Variants in PIGK observed in about 807,000 individuals in gnomAD.
The protein encoded by PIGK is phosphatidylinositol glycan anchor biosynthesis class K, also known as GPI-anchor transamidase.
Under a neutral mutation model 50.6 loss-of-function variants are expected in PIGK, and 42 were observed. That is an observed-to-expected ratio of 0.83 (90% CI 0.65 to 1.07). The LOEUF is 1.07. Ranked by LOEUF, PIGK falls within the 50% of genes least tolerant of loss-of-function variation. PIGK has a pLI of 0.00. For synonymous variants in PIGK, 151 were observed against 156.0 expected, an observed-to-expected ratio of 0.97 and a Z score of 0.24; for missense variants, 448 against 488.7, an observed-to-expected ratio of 0.92 and a Z score of 0.78.
At chr1:77,195,928 A>G (rs1462702832) in intron 3 of PIGK, among the ~76,000 whole-genome samples, 2 of 152,126 alleles carry the variant, frequency 1.3e-5, no homozygotes, top group Non-Finnish European at 2.9e-5. Context: ...TAATCCTGCT[A>G]CCCAGGTACT....
In PIGK at chr1:77,171,394, G is replaced by C. The variant is rs60037927; in HGVS notation, c.240-1999C>G. ...GGAGCTCGCAGTGAGCCGACATCGC[G>C]TCACTGCACTCCAGCCTGGGCAACA... On this transcript the variant is annotated intron_variant, in intron 3 of 10. Transcript: ENST00000370812. Among the ~76,000 whole-genome samples the C allele has an allele frequency of 2.4e-5, 3 of 123,230 alleles. No individual in the cohort carries two copies. The South Asian group carries it at 8.1e-4, about 33-fold the overall frequency. 80.8% of individuals were successfully genotyped at this position (123,230 alleles called of 152,430 possible).
intron 3 of PIGK, among the ~76,000 whole-genome samples, chr1:77,189,835 A>G (rs1279285884): frequency 6.6e-6 from 1 of 150,632 alleles, no homozygotes; most frequent in Non-Finnish European, 1.5e-5. Flanking sequence ...CCCTCTAGAG[A>G]ACCCTAATAC....
intron 10 of PIGK, among the ~76,000 whole-genome samples, chr1:77,107,278 G>A (rs989098929): frequency 3.1e-4 from 47 of 151,934 alleles, no homozygotes; most frequent in African/African-American, 8.0e-4. Context: ...CAGAGATTCT[G>A]GTATGTTGTG....
chr1:77,106,895 T>C (rs894934746), intron 10 of PIGK, among the ~76,000 whole-genome samples: 3 of 152,216 alleles, frequency 2.0e-5, no homozygotes, highest in East Asian at 1.9e-4. Context: ...TATAGTATTC[T>C]CTGATGGTAG....
intron 9 of PIGK, among the ~76,000 whole-genome samples, chr1:77,125,925 G>A (rs571773986): frequency 1.8e-4 from 27 of 151,728 alleles, no homozygotes; most frequent in African/African-American, 4.4e-4. Context: ...CATTCTTTAC[G>A]TCTTTTATTG....
intron 10 of PIGK, among the ~76,000 whole-genome samples, chr1:77,097,221 TCTC>T (rs1653436771): frequency 6.6e-6 from 1 of 152,088 alleles, no homozygotes; most frequent in South Asian, 2.1e-4. Context: ...GCAGTGCTGC[TCTC>T]CTCTAGCTCT....
intron 8 of PIGK, 115 bp from the exon 9 acceptor site, chr1:77,154,736 A>G (rs1037005918): frequency 1.6e-5 from 11 of 697,624 alleles, no homozygotes; most frequent in Non-Finnish European, 2.6e-5. Context: ...CAACCTAAAG[A>G]AGCTATGTGT....
At chr1:77,139,417 A>T (rs1654594332) in intron 9 of PIGK, among the ~76,000 whole-genome samples, 1 of 152,074 alleles carries the variant, frequency 6.6e-6, no homozygotes, top group African/African-American at 2.4e-5. Flanking sequence ...CATGGGTTGG[A>T]TCAAGGAGGA....
intron 10 of PIGK, among the ~76,000 whole-genome samples, chr1:77,112,245 T>TTTTTTTTTTTTTGAGA (rs1553180256): frequency 1.3e-5 from 2 of 151,666 alleles, no homozygotes; most frequent in Non-Finnish European, 2.9e-5. Flanking sequence ...TTAACTCTTA[T>TTTTTTTTTTTTTGAGA]CAGGAAGCAC....
chr1:77,132,130 A>G (rs1005867260), intron 9 of PIGK, among the ~76,000 whole-genome samples: 1 of 151,934 alleles, frequency 6.6e-6, no homozygotes, highest in Non-Finnish European at 1.5e-5. Context: ...CTCCAAAGTG[A>G]TTTTTATATC....
intron 3 of PIGK, among the ~76,000 whole-genome samples, chr1:77,173,485 G>A (rs919817543): frequency 6.6e-6 from 1 of 152,030 alleles, no homozygotes; most frequent in African/African-American, 2.4e-5. Flanking sequence ...TGGTAAGCAG[G>A]GTCACTGAGG....
chr1:77,174,498 G>A (rs754314286), intron 3 of PIGK, among the ~76,000 whole-genome samples: 9 of 152,114 alleles, frequency 5.9e-5, no homozygotes, highest in Admixed American at 1.3e-4. Context: ...GGGGAGTATC[G>A]GAAATGACTT....
chr1:77,161,722 A>G lies in PIGK; in HGVS notation c.585-11T>C. 2 of 1,031,360 alleles carry G rather than the reference A, an allele frequency of 1.9e-6. No homozygotes were observed. Among genetic ancestry groups the G allele is most frequent in the Non-Finnish European group, 3.1e-6 (2 of 650,052 alleles). 63.9% of individuals were successfully genotyped at this position (1,031,360 alleles called of 1,614,324 possible). On this transcript the variant is annotated splice_polypyrimidine_tract_variant and intron_variant, in intron 6 of 10. Transcript: ENST00000370812. ...AGTAGCTCATTGTAGCTGAAAGAAA[A>G]ATGATAACATCTTTGACAAGGATCA...
chr1:77,199,709 G>C (rs1232616598), intron 3 of PIGK, among the ~76,000 whole-genome samples: 1 of 151,782 alleles, frequency 6.6e-6, no homozygotes, highest in South Asian at 2.1e-4. Context: ...GGAAACAAAG[G>C]AACAAAAGAT....
At chr1:77,104,723 A>G (rs915351754) in intron 10 of PIGK, among the ~76,000 whole-genome samples, 6 of 152,214 alleles carry the variant, frequency 3.9e-5, no homozygotes, top group African/African-American at 1.4e-4. Flanking sequence ...TCAGCCCACC[A>G]TGCTCAACTC....
chr1:77,162,745 G>A (rs1655157073), intron 6 of PIGK, among the ~76,000 whole-genome samples: 1 of 151,000 alleles, frequency 6.6e-6, no homozygotes, highest in Non-Finnish European at 1.5e-5. Context: ...TTGAACCACA[G>A]TATCATCGAA....
At chr1:77,152,394 C>G (rs538982786) in intron 9 of PIGK, among the ~76,000 whole-genome samples, 102 of 151,988 alleles carry the variant, frequency 6.7e-4, no homozygotes, top group African/African-American at 2.4e-3. Flanking sequence ...AACTGTGACA[C>G]TACTAAAAGG....
intron 3 of PIGK, among the ~76,000 whole-genome samples, chr1:77,191,541 C>A (rs1443574836): frequency 6.6e-6 from 1 of 152,114 alleles, no homozygotes; most frequent in Non-Finnish European, 1.5e-5. Flanking sequence ...ATACATTTTG[C>A]CTAAAAAATG....
intron 3 of PIGK, among the ~76,000 whole-genome samples, chr1:77,193,752 G>A (rs1655967004): frequency 6.6e-6 from 1 of 152,118 alleles, no homozygotes; most frequent in Non-Finnish European, 1.5e-5. Flanking sequence ...CAAGAAAGAA[G>A]GATATACTAT....
Sources: gnomAD v4.1 joint callset for allele counts (sites outside exome capture counted in the v4.1 genomes callset) on GRCh38, gnomAD v4.1.1 for gene constraint, MANE v1.5 for transcripts, NCBI Gene and HGNC (gene_info 2026-07-23, HGNC 2026-07-21) for gene names.